UBE2H: variants seen among roughly 807,000 people sequenced by gnomAD.
UBE2H encodes the protein ubiquitin conjugating enzyme E2 H.
Under a neutral mutation model 29.0 loss-of-function variants are expected in UBE2H, and 3 were observed. The observed-to-expected ratio is 0.10, with a 90% CI of 0.05 to 0.27. The LOEUF is 0.27. UBE2H is among the 10% of genes least tolerant of loss of function. The probability of loss-of-function intolerance (pLI) is 1.00; values close to 1 mark genes in which losing one functional copy is unlikely to be tolerated. For missense variants in UBE2H, 68 were observed against 228.2 expected, an observed-to-expected ratio of 0.30 and a Z score of 4.52; for synonymous variants, 69 against 82.9, an observed-to-expected ratio of 0.83 and a Z score of 0.91.
At chr7:129,896,682 G>A (rs1232719698) in intron 1 of UBE2H, among the ~76,000 whole-genome samples, 1 of 152,118 alleles carries the variant, frequency 6.6e-6, no homozygotes, top group Non-Finnish European at 1.5e-5. Context: ...TGGGATTATA[G>A]GTGTGAGTCA....
At chr7:129,859,036 A>G in intron 3 of UBE2H, 95 bp from the exon 4 acceptor site, 1 of 960,980 alleles carries the variant, frequency 1.0e-6, no homozygotes, top group South Asian at 1.4e-5. Context: ...GGAAAAGGTG[A>G]TAATACTTAT....
chr7:129,938,690 G>A (rs1807581383), intron 1 of UBE2H, among the ~76,000 whole-genome samples: 2 of 148,576 alleles, frequency 1.3e-5, no homozygotes, highest in South Asian at 2.1e-4. Context: ...TGGGCGCCAA[G>A]AGCAAAACTT....
chr7:129,850,450 A>G (rs559363307), intron 5 of UBE2H, among the ~76,000 whole-genome samples: 2 of 152,350 alleles, frequency 1.3e-5, no homozygotes, highest in African/African-American at 4.8e-5. Flanking sequence ...TCTCAGTAGT[A>G]GCATTTTGGT....
At chr7:129,881,992 T>A (rs1301568522) in intron 1 of UBE2H, among the ~76,000 whole-genome samples, 2 of 152,174 alleles carry the variant, frequency 1.3e-5, no homozygotes, top group African/African-American at 4.8e-5. Flanking sequence ...TAGCATCTGT[T>A]TTCACTGCCC....
chr7:129,878,539 C>T (rs962280526), intron 3 of UBE2H, among the ~76,000 whole-genome samples: 16 of 151,912 alleles, frequency 1.1e-4, no homozygotes, highest in South Asian at 4.2e-4. Context: ...AAAAATTAGC[C>T]GGGTGTGGTG....
chr7:129,937,963 T>C (rs963431329), intron 1 of UBE2H, among the ~76,000 whole-genome samples: 1 of 152,172 alleles, frequency 6.6e-6, no homozygotes, highest in Non-Finnish European at 1.5e-5. Flanking sequence ...ACACATATTG[T>C]GTTCAATGTT....
chr7:129,943,892 G>A (rs1396522264), intron 1 of UBE2H, among the ~76,000 whole-genome samples: 1 of 151,404 alleles, frequency 6.6e-6, no homozygotes, highest in African/African-American at 2.4e-5. Context: ...CTTTAAAAAA[G>A]GAAGATAAAG....
At chr7:129,919,473 TG>T (rs202177425) in intron 1 of UBE2H, among the ~76,000 whole-genome samples, 1 of 152,292 alleles carries the variant, frequency 6.6e-6, no homozygotes, top group East Asian at 1.9e-4. Context: ...TCACCAATCC[TG>T]GGACTCTACA....
chr7:129,929,314 T>C (rs1263103089), intron 1 of UBE2H, among the ~76,000 whole-genome samples: 1 of 126,680 alleles, frequency 7.9e-6, no homozygotes, highest in African/African-American at 2.8e-5. Flanking sequence ...TGAAACTCCA[T>C]CTCAAAAAAA....
At chr7:129,836,879 CAAAAAAAAAAAAAAAAAAAAA>C (rs61226846) in intron 6 of UBE2H, among the ~76,000 whole-genome samples, 9 of 73,752 alleles carry the variant, frequency 1.2e-4, no homozygotes, top group Non-Finnish European at 1.3e-4. Context: ...GACTCCGTCT[CAAAAAAAAAAAAAAAAAAAAA>C]AAAAAAAAAA....
chr7:129,929,313 A>G (rs980070566), intron 1 of UBE2H, among the ~76,000 whole-genome samples: 5 of 144,250 alleles, frequency 3.5e-5, no homozygotes, highest in African/African-American at 1.0e-4. Flanking sequence ...GTGAAACTCC[A>G]TCTCAAAAAA....
intron 1 of UBE2H, among the ~76,000 whole-genome samples, chr7:129,909,747 C>A (rs954531824): frequency 1.3e-5 from 2 of 151,964 alleles, no homozygotes; most frequent in African/African-American, 4.8e-5. Flanking sequence ...AAATATTTAC[C>A]ATTTTCCACT....
At chr7:129,902,980 C>T (rs1460815247) in intron 1 of UBE2H, among the ~76,000 whole-genome samples, 1 of 152,182 alleles carries the variant, frequency 6.6e-6, no homozygotes, top group East Asian at 1.9e-4. Flanking sequence ...GCTGCAACCC[C>T]GTCCAAGGTC....
At chr7:129,868,443 G>A (rs2727492) in intron 3 of UBE2H, among the ~76,000 whole-genome samples, 70,841 of 149,782 alleles carry the variant, frequency 0.47, 18,418 homozygotes, top group East Asian at 0.63. Context: ...AGCCAGGCGC[G>A]GTGGCGGGCG....
chr7:129,934,496 G>A (rs1425890036), intron 1 of UBE2H, among the ~76,000 whole-genome samples: 1 of 150,440 alleles, frequency 6.6e-6, no homozygotes, highest in Non-Finnish European at 1.5e-5. Context: ...AAATTAGTCG[G>A]GCATGGTCGT....
rs199503485 is a variant in UBE2H at position 129,945,106 on chromosome 7, TGGAA to T, written c.53+7393_53+7396del. 6.6e-3 allele frequency among the ~76,000 whole-genome samples: 1,005 copies of T among 152,196 alleles called. 39 individuals carry two copies. Among genetic ancestry groups the T allele is most frequent in the Admixed American group, 0.058 (890 of 15,260 alleles). On this transcript the variant is annotated intron_variant, in intron 1 of 6. Transcript: ENST00000355621. ...CAGTGACAGAAATGAGATCAATGGTTGGAAGGGAGGGAGGGAAAGATTACAAAGG... is the reference window on the plus strand; with the variant it reads ...CAGTGACAGAAATGAGATCAATGGTTGGGAGGGAGGGAAAGATTACAAAGG...
At chr7:129,852,749 G>T (rs1805634599) in intron 5 of UBE2H, among the ~76,000 whole-genome samples, 1 of 151,782 alleles carries the variant, frequency 6.6e-6, no homozygotes, top group Admixed American at 6.6e-5. Context: ...TTTTGAGATG[G>T]AGTTTTGCTC....
At chr7:129,881,491 T>C (rs1229797837) in intron 1 of UBE2H, among the ~76,000 whole-genome samples, 1 of 151,828 alleles carries the variant, frequency 6.6e-6, no homozygotes, top group African/African-American at 2.4e-5. Flanking sequence ...TACTAAAAAA[T>C]ACAAAAATTA....
intron 1 of UBE2H, among the ~76,000 whole-genome samples, chr7:129,934,948 T>C (rs1807492974): frequency 6.7e-6 from 1 of 149,522 alleles, no homozygotes; most frequent in Non-Finnish European, 1.5e-5. Flanking sequence ...TATATATATG[T>C]GTGTGTGTGT....
Sources: allele counts gnomAD v4.1 joint callset (sites outside exome capture counted in the v4.1 genomes callset), GRCh38; gene constraint gnomAD v4.1.1; transcripts MANE v1.5; gene names NCBI Gene and HGNC (gene_info 2026-07-23, HGNC 2026-07-21).